Variants in EXT2 observed in about 807,000 individuals in gnomAD.
The protein encoded by EXT2 is exostosin glycosyltransferase 2.
A neutral mutation model predicts 81.6 loss-of-function variants in EXT2; 53 were observed. That is an observed-to-expected ratio of 0.65 (90% confidence interval 0.52 to 0.82). The LOEUF (loss-of-function observed/expected upper bound fraction) is 0.82. EXT2 is among the 40% of genes least tolerant of loss of function. The pLI, the probability that EXT2 is intolerant of heterozygous loss-of-function variation, is 0.00. For synonymous variants in EXT2, 320 were observed against 340.0 expected, an observed-to-expected ratio of 0.94 and a Z score of 0.65; for missense variants, 774 against 910.2, an observed-to-expected ratio of 0.85 and a Z score of 1.93.
At position 44,248,162 on chromosome 11, in the gene EXT2, C is replaced by T. The variant is rs1956111292; in HGVS notation, c.*3875C>T. On this transcript the variant is annotated 3_prime_UTR_variant, in exon 14 of 14. Coordinates refer to ENST00000533608, the MANE Select transcript of EXT2 (RefSeq NM_207122.2). ...GGGGTATGCTGCTTTTTCCATTTCTCTTGGCTCGGGTACTCTTCCATTGCA... is the reference window on the plus strand; with the variant it reads ...GGGGTATGCTGCTTTTTCCATTTCTTTTGGCTCGGGTACTCTTCCATTGCA... Among the ~76,000 whole-genome samples the T allele has an allele frequency of 6.6e-6, 1 of 152,156 alleles. No individual in the cohort carries two copies. Among genetic ancestry groups the T allele is most frequent in the African/African-American group, 2.4e-5 (1 of 41,434 alleles).
intron 7 of EXT2, chr11:44,144,215 T>C (rs1954684616): frequency 6.4e-7 from 1 of 1,566,214 alleles, no homozygotes; most frequent in Admixed American, 1.7e-5. Context: ...TGATGACACA[T>C]CTTGATTAAA....
intron 7 of EXT2, among the ~76,000 whole-genome samples, chr11:44,147,950 A>T (rs918875178): frequency 6.6e-6 from 1 of 152,060 alleles, no homozygotes; most frequent in African/African-American, 2.4e-5. Flanking sequence ...TGAGCTGAGC[A>T]TCACGCTTGG....
At chr11:44,152,699 G>C (rs1380510180) in intron 7 of EXT2, among the ~76,000 whole-genome samples, 1 of 152,150 alleles carries the variant, frequency 6.6e-6, no homozygotes, top group African/African-American at 2.4e-5. Flanking sequence ...TCCATTGTGA[G>C]TAAATTTTTT....
rs140467652 is a variant in EXT2 at position 44,156,940 on chromosome 11, G to C, written c.1174-14671G>C. ...TGGTCACTGCAGCCGTTCTGCATTG[G>C]GGGCAGCACTCCAAGCCCAGTACTG... On this transcript the variant is annotated intron_variant, in intron 7 of 13. Transcript: ENST00000533608. Among the ~76,000 whole-genome samples the C allele has an allele frequency of 6.6e-5, 10 of 152,284 alleles. No individual in the cohort carries two copies. In the East Asian group the frequency reaches 1.9e-3, roughly 29 times the overall value.
chr11:44,174,712 A>AT (rs1955132380), intron 8 of EXT2, among the ~76,000 whole-genome samples: 1 of 152,070 alleles, frequency 6.6e-6, no homozygotes, highest in Non-Finnish European at 1.5e-5. Flanking sequence ...TGAAACTTTT[A>AT]TTTTTTCTTT....
At chr11:44,118,694 A>G (rs1051219163) in intron 4 of EXT2, among the ~76,000 whole-genome samples, 2 of 152,166 alleles carry the variant, frequency 1.3e-5, no homozygotes, top group Admixed American at 1.3e-4. Context: ...GAAGAAACTG[A>G]TATAATTCAG....
chr11:44,154,064 G>A (rs749791428), intron 7 of EXT2, among the ~76,000 whole-genome samples: 1 of 151,570 alleles, frequency 6.6e-6, no homozygotes, highest in Non-Finnish European at 1.5e-5. Context: ...TTTGATACAG[G>A]CATACAATGG....
chr11:44,175,919 A>T (rs1280528601), intron 8 of EXT2, among the ~76,000 whole-genome samples: 1 of 152,186 alleles, frequency 6.6e-6, no homozygotes. Context: ...GGTTGTAATG[A>T]GACTAACCCA....
chr11:44,112,688 C>T (rs1034358866), intron 3 of EXT2, among the ~76,000 whole-genome samples: 3 of 152,136 alleles, frequency 2.0e-5, no homozygotes, highest in Admixed American at 6.5e-5. Flanking sequence ...TGATCTTCAG[C>T]GTAAGGCATG....
At chr11:44,223,715 A>G (rs1263605722) in intron 10 of EXT2, among the ~76,000 whole-genome samples, 1 of 142,826 alleles carries the variant, frequency 7.0e-6, no homozygotes, top group Non-Finnish European at 1.5e-5. Flanking sequence ...TAGTGGCGTG[A>G]TCTCCGCTTA....
chr11:44,211,926 G>T (rs1471571086), intron 10 of EXT2, among the ~76,000 whole-genome samples: 4 of 152,100 alleles, frequency 2.6e-5, no homozygotes, highest in Non-Finnish European at 4.4e-5. Context: ...AAAGCTGAAA[G>T]AGAATAGGAT....
chr11:44,209,898 CATTGCT>C (rs1955627187), intron 10 of EXT2, among the ~76,000 whole-genome samples: 1 of 152,216 alleles, frequency 6.6e-6, no homozygotes, highest in Non-Finnish European at 1.5e-5. Context: ...CTGTCTTATT[CATTGCT>C]ATGCCCTCTG....
chr11:44,101,196 A>G (rs931337316), intron 1 of EXT2, among the ~76,000 whole-genome samples: 1 of 152,180 alleles, frequency 6.6e-6, no homozygotes, highest in African/African-American at 2.4e-5. Context: ...GAACCTGTTG[A>G]CAGGTGAGCA....
At chr11:44,213,361 A>G (rs1056099841) in intron 10 of EXT2, among the ~76,000 whole-genome samples, 1 of 152,196 alleles carries the variant, frequency 6.6e-6, no homozygotes, top group Non-Finnish European at 1.5e-5. Context: ...AAACCAGGCA[A>G]ATTGCAACTT....
At chr11:44,143,837 G>C (rs1188370513) in intron 7 of EXT2, among the ~76,000 whole-genome samples, 1 of 152,186 alleles carries the variant, frequency 6.6e-6, no homozygotes, top group Non-Finnish European at 1.5e-5. Flanking sequence ...ATGGCCAAAA[G>C]GAAAACCTGC....
intron 9 of EXT2, among the ~76,000 whole-genome samples, chr11:44,199,122 T>G (rs1955493396): frequency 6.6e-6 from 1 of 152,238 alleles, no homozygotes; most frequent in Non-Finnish European, 1.5e-5. Flanking sequence ...TAACTTTCTA[T>G]GCCAAGATTT....
At chr11:44,237,640 G>A (rs1373544505) in intron 13 of EXT2, among the ~76,000 whole-genome samples, 2 of 152,086 alleles carry the variant, frequency 1.3e-5, no homozygotes, top group Admixed American at 6.6e-5. Flanking sequence ...TTAAAATGGT[G>A]TATCGGATAT....
intron 10 of EXT2, among the ~76,000 whole-genome samples, chr11:44,219,556 T>C (rs945703815): frequency 6.6e-6 from 1 of 152,200 alleles, no homozygotes; most frequent in African/African-American, 2.4e-5. Context: ...CTCACAGGCT[T>C]GTGCTTATGA....
intron 3 of EXT2, 61 bp from the exon 4 acceptor site, chr11:44,114,124 C>A: frequency 1.5e-6 from 2 of 1,374,202 alleles, no homozygotes; most frequent in Non-Finnish European, 2.1e-6. Context: ...TTCCTCTCCA[C>A]AGTGTGTATC....
Sources: gnomAD v4.1 joint callset for allele counts (sites outside exome capture counted in the v4.1 genomes callset) on GRCh38, gnomAD v4.1.1 for gene constraint, MANE v1.5 for transcripts, NCBI Gene and HGNC (gene_info 2026-07-23, HGNC 2026-07-21) for gene names.